Variants in SRCIN1 observed in about 807,000 individuals in gnomAD.
The protein encoded by SRCIN1 is SRC kinase signaling inhibitor 1.
SRCIN1 carries 50 observed loss-of-function variants against 116.2 expected under a neutral mutation model. The ratio of observed to expected loss-of-function variants is 0.43; its 90% CI spans 0.34 to 0.54. The LOEUF (loss-of-function observed/expected upper bound fraction) is 0.54, where lower values mean the gene tolerates loss of function less well. SRCIN1 is among the 20% of genes least tolerant of loss of function. The pLI, the probability that SRCIN1 is intolerant of heterozygous loss-of-function variation, is 0.02. For synonymous variants in SRCIN1, 736 were observed against 750.0 expected, an observed-to-expected ratio of 0.98 and a Z score of 0.30; for missense variants, 1,446 against 1,672.0, an observed-to-expected ratio of 0.86 and a Z score of 2.36.
Position 38,563,714 on chromosome 17 carries a change from T to C in SRCIN1, c.542-193A>G, listed in dbSNP as rs1166371305. 1 of 786,184 alleles carries C rather than the reference T, an allele frequency of 1.3e-6. No individual in the cohort carries two copies. Among genetic ancestry groups the C allele is most frequent in the Admixed American group, 2.1e-5 (1 of 48,212 alleles). The allele number at this position is 786,184 out of a possible 1,614,324, so 48.7% of individuals were successfully genotyped here. A position where few individuals can be genotyped will look rare whatever the true frequency, so the allele number is the denominator to read the frequency against. On this transcript the variant is annotated intron_variant, in intron 4 of 18. Coordinates refer to ENST00000617146, the MANE Select transcript of SRCIN1 (RefSeq NM_025248.3). The surrounding 1 kb of genome is among the most constrained non-coding windows in gnomAD (Gnocchi z 5.8). ...GGGGCGCCAGGCCGGCTCTCCAGCC[T>C]CTCAAGGCACCCACTGGACTCCAGG... is the stretch of plus-strand genomic sequence containing the variant.
chr17:38,566,757 CTA>C (rs756981013), intron 3 of SRCIN1, among the ~76,000 whole-genome samples: 88 of 152,344 alleles, frequency 5.8e-4, no homozygotes, highest in Admixed American at 1.8e-3. Flanking sequence ...AAGGCAGAGT[CTA>C]TGATTTAGTA....
chr17:38,541,242 AAAAT>A (rs1332358204), intron 18 of SRCIN1: 1 of 96,114 alleles, frequency 1.0e-5, no homozygotes, highest in African/African-American at 5.3e-5. Context: ...CTGCCTCAAA[AAAAT>A]AAAATAAAAT....
chr17:38,559,555 G>A, intron 10 of SRCIN1, 30 bp downstream of exon 10: 1 of 1,587,998 alleles, frequency 6.3e-7, no homozygotes. Flanking sequence ...GGTGGGCGTT[G>A]GTGGGGCGGG....
Position 38,562,795 on chromosome 17 carries a change from C to T in SRCIN1, c.834+32G>A. ...CTCCCCTGGACCCCATGTGCCCAGC[C>T]TCCCCAATGCCCTGGGCATGCCCAG... is the stretch of plus-strand genomic sequence containing the variant. On this transcript the variant is annotated intron_variant, in intron 6 of 18. Transcript: ENST00000617146. The surrounding 1 kb of genome is among the most constrained non-coding windows in gnomAD (Gnocchi z 4.2). 6.3e-7 allele frequency: 1 copy of T among 1,596,130 alleles called. No individual in the cohort carries two copies. Among genetic ancestry groups the T allele is most frequent in the Non-Finnish European group, 8.6e-7 (1 of 1,166,016 alleles).
In SRCIN1 at chr17:38,552,673, G is replaced by A; in HGVS notation, c.2332+52C>T. 6.2e-7 allele frequency: 1 copy of A among 1,613,098 alleles called. No individual in the cohort carries two copies. Among genetic ancestry groups the A allele is most frequent in the Non-Finnish European group, 8.5e-7 (1 of 1,179,744 alleles). On this transcript the variant is annotated intron_variant, in intron 12 of 18. Coordinates refer to ENST00000617146, the MANE Select transcript of SRCIN1 (RefSeq NM_025248.3). The surrounding 1 kb of genome is among the most constrained non-coding windows in gnomAD (Gnocchi z 5.3). ...AGGAGAGGATGGTGGCTGGAGTATG[G>A]CAGACTTCCCCACCCTGAACAACGT...
chr17:38,586,129 T>C (rs912005243), intron 1 of SRCIN1, among the ~76,000 whole-genome samples: 1 of 152,052 alleles, frequency 6.6e-6, no homozygotes, highest in Non-Finnish European at 1.5e-5. Context: ...AGGAGATGGC[T>C]AGAAAATAAA....
intron 11 of SRCIN1, among the ~76,000 whole-genome samples, chr17:38,555,286 C>T (rs1567860827): frequency 1.3e-5 from 2 of 152,220 alleles, no homozygotes. Flanking sequence ...ATACATGCTG[C>T]TTCCAGACCT....
chr17:38,599,624 T>TCCTACTACAG (rs1349526694), intron 1 of SRCIN1, among the ~76,000 whole-genome samples: 1 of 152,200 alleles, frequency 6.6e-6, no homozygotes, highest in Non-Finnish European at 1.5e-5. Flanking sequence ...CCTCGATTCC[T>TCCTACTACAG]CCTACTACAG....
rs760350456 is a variant in SRCIN1 at position 38,552,551 on chromosome 17, G to T, written c.2376C>A (p.Arg792=). The T allele has an allele frequency of 6.2e-7, 1 of 1,609,310 alleles. No individual in the cohort carries two copies. Residue 792 remains arginine, a synonymous_variant, in exon 13 of 19, where the codon CGC becomes CGA. Transcript: ENST00000617146. This position sits in a 1 kb window ranked among gnomAD's most constrained non-coding sequence, Gnocchi z 5.3. Reference sequence around the variant, plus strand: ...GGAACTTCACCGCCTCCACCTCCACGCGCAGCACCACCCGCATCTTGCTCT... The same window carrying T: ...GGAACTTCACCGCCTCCACCTCCACTCGCAGCACCACCCGCATCTTGCTCT... The part of the protein sequence containing the change: ...GLQSKMRVVL[R]VEVEAVKFLK...
chr17:38,542,738 C>G (rs1051834377), intron 18 of SRCIN1: 12 of 212,514 alleles, frequency 5.6e-5, no homozygotes, highest in Admixed American at 1.9e-4. Flanking sequence ...ATTCCTAGGT[C>G]CCGATCCTGG....
Position 38,568,062 on chromosome 17 carries a change from A to G in SRCIN1, c.345+149T>C. ...CCCAGACTCTCCCAAAGCAGCAGCC[A>G]CAGCCTGCAGCCCCGAGGCCCACCG... On this transcript the variant is annotated intron_variant, in intron 3 of 18. Transcript: ENST00000617146. The surrounding 1 kb of genome is among the most constrained non-coding windows in gnomAD (Gnocchi z 4.5). The G allele has an allele frequency of 2.1e-6, 2 of 973,012 alleles. No individual in the cohort carries two copies. Among genetic ancestry groups the G allele is most frequent in the Non-Finnish European group, 3.2e-6 (2 of 630,522 alleles). The allele number at this position is 973,012 out of a possible 1,614,324, so 60.3% of individuals were successfully genotyped here.
At chr17:38,597,631 A>C (rs890761770) in intron 1 of SRCIN1, among the ~76,000 whole-genome samples, 5 of 152,206 alleles carry the variant, frequency 3.3e-5, no homozygotes, top group Admixed American at 6.5e-5. Flanking sequence ...ACCACACAGC[A>C]AATGACTGTC....
intron 11 of SRCIN1, among the ~76,000 whole-genome samples, chr17:38,555,444 A>G (rs1441991316): frequency 6.6e-6 from 1 of 152,224 alleles, no homozygotes. Flanking sequence ...CATGGAGAAG[A>G]GCCACCCGCC....
At chr17:38,591,493 G>C (rs1908439802) in intron 1 of SRCIN1, among the ~76,000 whole-genome samples, 1 of 152,222 alleles carries the variant, frequency 6.6e-6, no homozygotes, top group South Asian at 2.1e-4. Flanking sequence ...TAATGGTCCA[G>C]ATGAGGTATG....
Position 38,551,573 on chromosome 17 carries a change from TGCC to T in SRCIN1, c.2728-187_2728-185del, listed in dbSNP as rs1905412863. The T allele has an allele frequency of 9.3e-6, 6 of 647,976 alleles. No individual in the cohort carries two copies. The East Asian group carries it at 1.4e-4, about 15-fold the overall frequency. The allele number at this position is 647,976 out of a possible 1,614,324, so 40.1% of individuals were successfully genotyped here. On this transcript the variant is annotated intron_variant, in intron 14 of 18. Coordinates refer to ENST00000617146, the MANE Select transcript of SRCIN1 (RefSeq NM_025248.3). ...CACATGGCATCCCCATGGGTAGGAATGCCACCCTCATTATATACTACATTCGTG... is the reference window on the plus strand; with the variant it reads ...CACATGGCATCCCCATGGGTAGGAATACCCTCATTATATACTACATTCGTG...
At chr17:38,598,523 T>A (rs1404999393) in intron 1 of SRCIN1, among the ~76,000 whole-genome samples, 1 of 152,166 alleles carries the variant, frequency 6.6e-6, no homozygotes, top group Non-Finnish European at 1.5e-5. Context: ...CTCTATAAGC[T>A]GAGTCTGGGG....
intron 1 of SRCIN1, among the ~76,000 whole-genome samples, chr17:38,603,923 C>G (rs1007276095): frequency 6.6e-6 from 1 of 152,066 alleles, no homozygotes; most frequent in African/African-American, 2.4e-5. Flanking sequence ...TATGGAGTGG[C>G]CCATCACCAA....
rs148609249 is a variant in SRCIN1 at position 38,594,065 on chromosome 17, C to T, written c.22+11619G>A. Among the ~76,000 whole-genome samples the T allele has an allele frequency of 1.7e-3, 259 of 152,346 alleles. 1 individual carries two copies. Among genetic ancestry groups the T allele is most frequent in the Non-Finnish European group, 3.0e-3 (207 of 68,030 alleles). ...AGGGTGGGTGAAAGAGAAGAACATT[C>T]AGGTCTCAGAGGCCCTTGCCCTGGC... On this transcript the variant is annotated intron_variant, in intron 1 of 18. Transcript: ENST00000617146.
chr17:38,594,740 A>C (rs1167899676), intron 1 of SRCIN1, among the ~76,000 whole-genome samples: 1 of 152,084 alleles, frequency 6.6e-6, no homozygotes, highest in Non-Finnish European at 1.5e-5. Flanking sequence ...CCAGGCTCAC[A>C]CAGCTAGGAA....
Sources: gnomAD v4.1 joint callset for allele counts (sites outside exome capture counted in the v4.1 genomes callset) on GRCh38, gnomAD v4.1.1 for gene constraint, Gnocchi (gnomAD v3.1) non-coding constraint, MANE v1.5 for transcripts, NCBI Gene and HGNC (gene_info 2026-07-23, HGNC 2026-07-21) for gene names.